The following CWC15 variants were observed in gnomAD, a reference collection of about 807,000 sequenced individuals.
CWC15 encodes the protein CWC15 spliceosome associated protein, also known as spliceosome-associated protein CWC15 homolog.
A neutral mutation model predicts 28.4 loss-of-function variants in CWC15; 12 were observed. That is an observed-to-expected ratio of 0.42 (90% CI 0.27 to 0.69). The LOEUF (loss-of-function observed/expected upper bound fraction) is 0.69. Ranked by LOEUF, CWC15 falls within the 30% of genes least tolerant of loss-of-function variation. The pLI is 0.23. For missense variants in CWC15, 192 were observed against 271.5 expected (o/e 0.71, Z 2.06); for synonymous variants, 92 against 88.4 (o/e 1.04, Z -0.23).
At position 94,966,348 on chromosome 11, in the gene CWC15, G is replaced by T; in HGVS notation, c.507C>A (p.Leu169=). Residue 169 remains leucine, a synonymous_variant, in exon 6 of 7, where the codon CTC becomes CTA. Transcript: ENST00000279839. The part of the protein sequence containing the change: ...RMENILSGNP[L]LNLTGPSQPQ... ...GCTGGGATGGGCCAGTGAGATTAAG[G>T]AGAGGGTTTCCGCTCAGAATGTTTT... is the stretch of plus-strand genomic sequence containing the variant. 2 of 1,560,060 alleles carry T rather than the reference G, an allele frequency of 1.3e-6. No individual in the cohort carries two copies. Among genetic ancestry groups the T allele is most frequent in the South Asian group, 1.2e-5 (1 of 84,594 alleles).
At chr11:94,964,989 CAGG>C (rs1555095001) in intron 6 of CWC15, among the ~76,000 whole-genome samples, 1 of 152,240 alleles carries the variant, frequency 6.6e-6, no homozygotes, top group East Asian at 1.9e-4. Context: ...CGAACTGTAT[CAGG>C]AGTACTGCAT....
Position 94,966,364 on chromosome 11 carries a change from A to C in CWC15, c.491T>G (p.Leu164Arg), listed in dbSNP as rs1555095295. The change falls in exon 6 of 7, where the codon CTG becomes CGG. Residue 164 changes from leucine (L) to arginine (R), a missense_variant. Around this residue, in one of 2 missense-constraint regions of CWC15, gnomAD observed 188 missense variants for 250.3 expected, o/e 0.75. Transcript: ENST00000279839. The stretch of plus-strand genomic sequence containing the variant: ...GAGATTAAGGAGAGGGTTTCCGCTC[A>C]GAATGTTTTCCATACGAATCCTCTC... ...EEERIRMENI[L>R]SGNPLLNLTG... is the part of the protein sequence containing the mutation. 1 of 1,558,764 alleles carries C rather than the reference A, an allele frequency of 6.4e-7. No homozygotes were observed. The highest frequency in any genetic ancestry group is 8.7e-7 in the Non-Finnish European group (1 of 1,150,040).
intron 5 of CWC15, 147 bp from the exon 6 acceptor site, chr11:94,966,560 T>C (rs1345027942): frequency 1.3e-5 from 7 of 534,418 alleles, no homozygotes; most frequent in Non-Finnish European, 2.2e-5. Context: ...TTTTTTTTTT[T>C]TTGGTTTTTG....
At chr11:94,965,129 C>T (rs1337961750) in intron 6 of CWC15, among the ~76,000 whole-genome samples, 1 of 152,130 alleles carries the variant, frequency 6.6e-6, no homozygotes, top group South Asian at 2.1e-4. Context: ...GGAAAGCATT[C>T]AGCAGTACTG....
chr11:94,963,970 G>T (rs1252208920), intron 6 of CWC15, among the ~76,000 whole-genome samples: 1 of 151,994 alleles, frequency 6.6e-6, no homozygotes, highest in Non-Finnish European at 1.5e-5. Flanking sequence ...ATCATCTACT[G>T]TAATATCCAC....
intron 6 of CWC15, among the ~76,000 whole-genome samples, chr11:94,964,372 T>G (rs1428003027): frequency 6.6e-6 from 1 of 152,124 alleles, no homozygotes; most frequent in Non-Finnish European, 1.5e-5. Context: ...GTGGGCACCT[T>G]TGGAAAACAG....
At chr11:94,971,972 C>G in intron 2 of CWC15, 83 bp downstream of exon 2, 1 of 1,234,856 alleles carries the variant, frequency 8.1e-7, no homozygotes, top group Non-Finnish European at 1.1e-6. Context: ...TGACATAACT[C>G]AAACATACTA....
intron 1 of CWC15, among the ~76,000 whole-genome samples, chr11:94,972,661 T>C (rs781786181): frequency 4.6e-5 from 7 of 152,104 alleles, no homozygotes; most frequent in Non-Finnish European, 1.0e-4. Flanking sequence ...CAATAGCAAA[T>C]AGGCTAGTAG....
At chr11:94,968,434 C>G (rs1857675278) in intron 5 of CWC15, among the ~76,000 whole-genome samples, 1 of 152,150 alleles carries the variant, frequency 6.6e-6, no homozygotes, top group Non-Finnish European at 1.5e-5. Flanking sequence ...AGATGAAACT[C>G]ACAAAACTGC....
At position 94,970,813 on chromosome 11, in the gene CWC15, A is replaced by G. The variant is rs587645311; in HGVS notation, c.333+164T>C. The G allele has an allele frequency of 1.6e-5, 10 of 625,258 alleles. No individual in the cohort carries two copies. In the East Asian group the frequency reaches 2.2e-4, roughly 14 times the overall value. 38.7% of individuals were successfully genotyped at this position (625,258 alleles called of 1,614,324 possible). On this transcript the variant is annotated intron_variant, in intron 4 of 6. Coordinates refer to ENST00000279839, the MANE Select transcript of CWC15 (RefSeq NM_016403.4). The stretch of plus-strand genomic sequence containing the variant: ...AAAGTCCCACAAAATAATACTTTTG[A>G]TTTTAAAATCAACTATAAAGTTTAG...
chr11:94,964,274 T>TAAC (rs1857609913), intron 6 of CWC15, among the ~76,000 whole-genome samples: 1 of 151,070 alleles, frequency 6.6e-6, no homozygotes. Context: ...CAAGCCCATA[T>TAAC]GTGTGTGTTT....
At chr11:94,968,755 T>C in intron 5 of CWC15, among the ~76,000 whole-genome samples, 1 of 152,352 alleles carries the variant, frequency 6.6e-6, no homozygotes, top group African/African-American at 2.4e-5. Flanking sequence ...ATTCTACCTG[T>C]TTTCTGAATT....
intron 1 of CWC15, 193 bp downstream of exon 1, chr11:94,973,305 C>G (rs1414927218): frequency 1.1e-4 from 15 of 138,440 alleles, no homozygotes; most frequent in African/African-American, 3.9e-4. Flanking sequence ...GGCGAGCTGC[C>G]TGTACGCTGC....
At position 94,969,938 on chromosome 11, in the gene CWC15, C is replaced by G. The variant is rs1392915216; in HGVS notation, c.441+51G>C. The G allele has an allele frequency of 1.6e-5, 20 of 1,223,522 alleles. No homozygotes were observed. The Admixed American group carries it at 6.4e-4, about 39-fold the overall frequency. 75.8% of individuals were successfully genotyped at this position (1,223,522 alleles called of 1,614,324 possible). A position where few individuals can be genotyped will look rare whatever the true frequency, so the allele number is the denominator to read the frequency against. ...TTACTTATATTCAAAAAAATTTCTACCTTAGTGTATGTGAGAAGATAGATG... is the reference window on the plus strand; with the variant it reads ...TTACTTATATTCAAAAAAATTTCTAGCTTAGTGTATGTGAGAAGATAGATG... On this transcript the variant is annotated intron_variant, in intron 5 of 6. Coordinates refer to ENST00000279839, the MANE Select transcript of CWC15 (RefSeq NM_016403.4).
chr11:94,966,226 T>TATAC lies in CWC15; in HGVS notation c.560+68_560+69insGTAT, dbSNP rs1423710883. On this transcript the variant is annotated intron_variant, in intron 6 of 6. Transcript: ENST00000279839. ...GCCTGTGTGTATACACATACACATA[T>TATAC]ACACACACACACACACACACACACA... The TATAC allele has an allele frequency of 6.6e-3, 4,447 of 670,088 alleles. 7 individuals carry two copies. The highest frequency in any genetic ancestry group is 0.021 in the South Asian group (1,200 of 57,068). 41.5% of individuals were successfully genotyped at this position (670,088 alleles called of 1,614,324 possible).
chr11:94,968,842 C>G (rs1249293307), intron 5 of CWC15, among the ~76,000 whole-genome samples: 1 of 152,148 alleles, frequency 6.6e-6, no homozygotes, highest in Non-Finnish European at 1.5e-5. Context: ...TATTTTCTTA[C>G]TTTCTTTTTT....
chr11:94,972,839 T>C lies in CWC15; in HGVS notation c.-8-646A>G, dbSNP rs782774845. Reference sequence around the variant, plus strand: ...GGCATCATACTATAAATTAGATCGTTTGTGGGTTATAATTTAAGGCCTGTT... The same window carrying C: ...GGCATCATACTATAAATTAGATCGTCTGTGGGTTATAATTTAAGGCCTGTT... On this transcript the variant is annotated intron_variant, in intron 1 of 6. Transcript: ENST00000279839. 9.9e-5 allele frequency among the ~76,000 whole-genome samples: 15 copies of C among 152,284 alleles called. 1 individual carries two copies. The highest frequency in any genetic ancestry group is 3.4e-4 in the African/African-American group (14 of 41,556).
At position 94,966,444 on chromosome 11, in the gene CWC15, CTTATT is replaced by C. The variant is rs1267370040; in HGVS notation, c.442-36_442-32del. The C allele has an allele frequency of 2.2e-5, 30 of 1,377,284 alleles. No individual in the cohort carries two copies. In the South Asian group the frequency reaches 2.3e-4, roughly 10 times the overall value. 85.3% of individuals were successfully genotyped at this position (1,377,284 alleles called of 1,614,324 possible). A position where few individuals can be genotyped will look rare whatever the true frequency, so the allele number is the denominator to read the frequency against. ...AATGATAAAGGAAGATTAACACTTA[CTTATT>C]TTAACTCTGGGTTCAATTTTTTTTA... On this transcript the variant is annotated intron_variant, in intron 5 of 6. Coordinates refer to ENST00000279839, the MANE Select transcript of CWC15 (RefSeq NM_016403.4).
intron 6 of CWC15, 138 bp from the exon 7 acceptor site, chr11:94,963,652 A>G (rs1165825593): frequency 1.7e-6 from 1 of 579,612 alleles, no homozygotes; most frequent in Non-Finnish European, 2.7e-6. Context: ...ATTACACTCA[A>G]AAGAATAATG....
Sources: gnomAD v4.1 joint callset for allele counts (sites outside exome capture counted in the v4.1 genomes callset) on GRCh38, gnomAD v4.1.1 for gene constraint, gnomAD v4.1.1 regional missense constraint, MANE v1.5 for transcripts, NCBI Gene and HGNC (gene_info 2026-07-23, HGNC 2026-07-21) for gene names.